The following RBM6 variants were observed in gnomAD, a reference collection of about 807,000 sequenced individuals.
The protein encoded by RBM6 is RNA binding motif protein 6.
In RBM6, 23 loss-of-function variants were observed where a neutral mutation model predicts 140.4. The ratio of observed to expected loss-of-function variants is 0.16; its 90% CI spans 0.12 to 0.23. The LOEUF is 0.23. RBM6 is among the 10% of genes least tolerant of loss of function. RBM6 has a pLI of 1.00. For missense variants in RBM6, 1,139 were observed against 1,386.7 expected, an observed-to-expected ratio of 0.82 and a Z score of 2.84; for synonymous variants, 439 against 475.6, an observed-to-expected ratio of 0.92 and a Z score of 1.00.
At chr3:49,965,531 G>C (rs965447780) in intron 2 of RBM6, among the ~76,000 whole-genome samples, 2 of 152,094 alleles carry the variant, frequency 1.3e-5, no homozygotes, top group Non-Finnish European at 2.9e-5. Flanking sequence ...TTAGCTGGGC[G>C]TGGTAGCGGG....
chr3:49,976,158 CA>C (rs1028458165), intron 5 of RBM6, among the ~76,000 whole-genome samples: 8 of 152,110 alleles, frequency 5.3e-5, no homozygotes, highest in African/African-American at 1.9e-4. Context: ...GGGAATAGAG[CA>C]TGAGTCTTCA....
chr3:50,066,531 A>T, intron 17 of RBM6, 29 bp downstream of exon 17: 1 of 1,599,792 alleles, frequency 6.3e-7, no homozygotes, highest in East Asian at 2.2e-5. Flanking sequence ...ATGCCCTTTC[A>T]AACTGTTGAC....
At chr3:49,949,188 A>C (rs961513952) in intron 1 of RBM6, among the ~76,000 whole-genome samples, 2 of 151,788 alleles carry the variant, frequency 1.3e-5, no homozygotes, top group Non-Finnish European at 2.9e-5. Flanking sequence ...TTTTCTTTTT[A>C]AATTCTTTAA....
intron 5 of RBM6, among the ~76,000 whole-genome samples, chr3:49,981,102 A>G (rs1471008967): frequency 6.6e-6 from 1 of 151,872 alleles, no homozygotes; most frequent in Admixed American, 6.6e-5. Flanking sequence ...ACGGGGTTTC[A>G]CCATGTTGGC....
chr3:50,071,408 G>A (rs2090293001), intron 19 of RBM6, among the ~76,000 whole-genome samples: 1 of 152,212 alleles, frequency 6.6e-6, no homozygotes, highest in South Asian at 2.1e-4. Context: ...TTGCATTTTG[G>A]AGAGATTACT....
At chr3:49,987,695 A>G (rs1237375601) in intron 5 of RBM6, among the ~76,000 whole-genome samples, 3 of 151,566 alleles carry the variant, frequency 2.0e-5, no homozygotes, top group Non-Finnish European at 4.4e-5. Flanking sequence ...CTAGAATGCA[A>G]TAATGCGATC....
At chr3:50,065,268 T>C in intron 16 of RBM6, 142 bp downstream of exon 16, 1 of 657,170 alleles carries the variant, frequency 1.5e-6, no homozygotes, top group Non-Finnish European at 2.6e-6. Flanking sequence ...TCCCATTTCT[T>C]TTGAGTACAA....
intron 5 of RBM6, among the ~76,000 whole-genome samples, chr3:49,988,030 G>A (rs2085646391): frequency 6.6e-6 from 1 of 152,154 alleles, no homozygotes; most frequent in Admixed American, 6.5e-5. Flanking sequence ...ATATACTTTG[G>A]TAATCAAGAC....
chr3:49,943,519 G>C (rs2083371189), intron 1 of RBM6, among the ~76,000 whole-genome samples: 1 of 152,050 alleles, frequency 6.6e-6, no homozygotes, highest in Admixed American at 6.6e-5. Context: ...TTGTTGTCTA[G>C]GGTGGTCTCG....
intron 5 of RBM6, among the ~76,000 whole-genome samples, chr3:49,989,157 A>G (rs893665696): frequency 2.0e-5 from 3 of 152,174 alleles, no homozygotes; most frequent in Non-Finnish European, 4.4e-5. Flanking sequence ...TTGTGCACCA[A>G]ACGAAACAAC....
chr3:50,001,028 A>C (rs1418704816), intron 6 of RBM6, among the ~76,000 whole-genome samples: 1 of 152,148 alleles, frequency 6.6e-6, no homozygotes, highest in African/African-American at 2.4e-5. Flanking sequence ...GAGGATTCTC[A>C]TTGACCATTT....
At chr3:49,980,791 G>A (rs1022574490) in intron 5 of RBM6, among the ~76,000 whole-genome samples, 2 of 150,952 alleles carry the variant, frequency 1.3e-5, no homozygotes, top group African/African-American at 4.9e-5. Flanking sequence ...GTTGAACCTG[G>A]GTAAAGCATA....
intron 7 of RBM6, among the ~76,000 whole-genome samples, chr3:50,049,642 A>G (rs557363729): frequency 4.6e-5 from 7 of 152,258 alleles, no homozygotes; most frequent in African/African-American, 1.7e-4. Flanking sequence ...CAACTTGAAG[A>G]GCTATGATTG....
intron 5 of RBM6, among the ~76,000 whole-genome samples, chr3:49,998,854 G>A (rs2108734154): frequency 6.6e-6 from 1 of 152,012 alleles, no homozygotes; most frequent in Admixed American, 6.5e-5. Context: ...GTTGAAACAA[G>A]GAAAAAAAGA....
At chr3:50,065,809 G>A (rs1231894835) in intron 16 of RBM6, among the ~76,000 whole-genome samples, 1 of 152,158 alleles carries the variant, frequency 6.6e-6, no homozygotes, top group African/African-American at 2.4e-5. Flanking sequence ...CATGTGAGCT[G>A]GATCTGTCTA....
Position 50,061,148 on chromosome 3 carries a change from A to T in RBM6, c.2280A>T (p.Lys760Asn). The T allele has an allele frequency of 6.2e-7, 1 of 1,614,168 alleles. No individual in the cohort carries two copies. Among genetic ancestry groups the T allele is most frequent in the Non-Finnish European group, 8.5e-7 (1 of 1,180,024 alleles). ...TTGCCTTTCTGTGATAGGGTAAAAA[A>T]TATTTCCGAGATAGGAGGGGAGGTG... is the stretch of plus-strand genomic sequence containing the variant. ...SDHMHYYQGK[K>N]YFRDRRGGGR... Residue 760 changes from lysine to asparagine, a missense_variant, in exon 13 of 21, where the codon AAA becomes AAT. Around this residue, in one of 9 missense-constraint regions of RBM6, gnomAD observed 163 missense variants for 182.8 expected, o/e 0.89. Coordinates refer to ENST00000266022, the MANE Select transcript of RBM6 (RefSeq NM_005777.3).
intron 17 of RBM6, among the ~76,000 whole-genome samples, chr3:50,067,691 A>G (rs1461356608): frequency 6.6e-6 from 1 of 152,246 alleles, no homozygotes; most frequent in Non-Finnish European, 1.5e-5. Context: ...TGAACTGACC[A>G]AGGATCCAAA....
chr3:50,011,839 C>CTTTTTTTTTTTTTTCT (rs201167549), intron 6 of RBM6, among the ~76,000 whole-genome samples: 1 of 143,688 alleles, frequency 7.0e-6, no homozygotes, highest in African/African-American at 2.6e-5. Flanking sequence ...TCTTTTCTTT[C>CTTTTTTTTTTTTTTCT]TTTTTTTTTT....
At chr3:50,057,565 C>G (rs1384685184) in intron 8 of RBM6, among the ~76,000 whole-genome samples, 163 bp from the exon 9 acceptor site, 1 of 72,798 alleles carries the variant, frequency 1.4e-5, no homozygotes, top group Non-Finnish European at 2.4e-5. Context: ...TTCAGCTGGG[C>G]AACAAGAGCA....
Sources: allele counts gnomAD v4.1 joint callset (sites outside exome capture counted in the v4.1 genomes callset), GRCh38; gene constraint gnomAD v4.1.1; regional missense constraint gnomAD v4.1.1; transcripts MANE v1.5; gene names NCBI Gene and HGNC (gene_info 2026-07-23, HGNC 2026-07-21).